The following CSMD3 variants were observed in gnomAD, a reference collection of about 807,000 sequenced individuals.
The protein encoded by CSMD3 is CUB and sushi domain-containing protein 3.
Under a neutral mutation model 435.2 loss-of-function variants are expected in CSMD3, and 177 were observed. The observed-to-expected ratio is 0.41, with a 90% CI of 0.36 to 0.46. The LOEUF is 0.46. Ranked by LOEUF, CSMD3 falls within the 20% of genes least tolerant of loss-of-function variation. CSMD3 has a pLI of 0.34. For missense variants in CSMD3, 4,265 were observed against 4,504.6 expected (o/e 0.95, Z 1.52); for synonymous variants, 1,656 against 1,520.5 (o/e 1.09, Z -2.07).
intron 32 of CSMD3, among the ~76,000 whole-genome samples, chr8:112,446,705 C>T (rs926257659): frequency 6.6e-6 from 1 of 152,118 alleles, no homozygotes; most frequent in South Asian, 2.1e-4. Flanking sequence ...TTTATAATTG[C>T]ATATATTAAA....
intron 27 of CSMD3, among the ~76,000 whole-genome samples, chr8:112,533,497 C>CA (rs1419730264): frequency 6.6e-6 from 1 of 151,558 alleles, no homozygotes; most frequent in African/African-American, 2.4e-5. Context: ...GATGGCAAGT[C>CA]AAAAAACTGA....
chr8:112,897,080 T>A (rs973112776), intron 10 of CSMD3, among the ~76,000 whole-genome samples: 1 of 151,540 alleles, frequency 6.6e-6, no homozygotes, highest in Non-Finnish European at 1.5e-5. Context: ...CTTTGAACTG[T>A]CACTTTAGTC....
At position 112,904,632 on chromosome 8, in the gene CSMD3, C is replaced by G. The variant is rs553945153; in HGVS notation, c.1633+16995G>C. On this transcript the variant is annotated intron_variant, in intron 10 of 70. Coordinates refer to ENST00000297405, the MANE Select transcript of CSMD3 (RefSeq NM_198123.2). ...TTAGAAAAGATGTTATAAAGTTAGT[C>G]TCTGATTTATTAGCTGAAGTGATCA... Among the ~76,000 whole-genome samples the G allele has an allele frequency of 1.3e-4, 20 of 151,348 alleles. 1 individual carries two copies. The South Asian group carries it at 3.7e-3, about 28-fold the overall frequency.
At chr8:112,234,508 T>G in intron 67 of CSMD3, 31 bp from the exon 68 acceptor site, 1 of 1,150,024 alleles carries the variant, frequency 8.7e-7, no homozygotes, top group Admixed American at 1.7e-5. Flanking sequence ...TTAGTCTACT[T>G]AACTTTGTAA....
intron 32 of CSMD3, among the ~76,000 whole-genome samples, chr8:112,418,786 A>C (rs1331579352): frequency 6.6e-6 from 1 of 152,156 alleles, no homozygotes; most frequent in Non-Finnish European, 1.5e-5. Context: ...CCCTAATCCC[A>C]AAATCCCAAA....
intron 31 of CSMD3, among the ~76,000 whole-genome samples, chr8:112,485,299 G>A (rs1255733048): frequency 1.3e-5 from 2 of 151,962 alleles, no homozygotes; most frequent in African/African-American, 4.8e-5. Flanking sequence ...TATTTTATCC[G>A]TGAACAAAAT....
In CSMD3 at chr8:112,231,623, C is replaced by T; in HGVS notation, c.10750G>A (p.Glu3584Lys). The T allele has an allele frequency of 6.2e-7, 1 of 1,604,774 alleles. No homozygotes were observed. The highest frequency in any genetic ancestry group is 8.5e-7 in the Non-Finnish European group (1 of 1,171,854). ...NWAMDGFVSA[E>K]PDGATYVFQG... is the part of the protein sequence containing the mutation. Reference sequence around the variant, plus strand: ...AATACATAAGTAGCTCCATCAGGCTCAGCAGAAACCTAAAAATATTTAAAC... The same window carrying T: ...AATACATAAGTAGCTCCATCAGGCTTAGCAGAAACCTAAAAATATTTAAAC... The change falls in exon 69 of 71, where the codon GAG (glutamate) becomes AAG (lysine). Residue 3584 changes from glutamate (E) to lysine (K), a missense_variant. By Grantham distance (56) the Glu-to-Lys change is moderately conservative (BLOSUM62 1). This residue lies in a region of CSMD3 where 3,255 missense variants were observed against 3,380.2 expected (regional missense o/e 0.96). Transcript: ENST00000297405.
At chr8:112,522,471 A>T (rs1261810462) in intron 27 of CSMD3, among the ~76,000 whole-genome samples, 1 of 151,852 alleles carries the variant, frequency 6.6e-6, no homozygotes. Context: ...ACACGTCCTT[A>T]TCAAATCTAG....
intron 11 of CSMD3, among the ~76,000 whole-genome samples, chr8:112,850,468 T>C (rs1191646001): frequency 6.6e-6 from 1 of 152,208 alleles, no homozygotes; most frequent in Non-Finnish European, 1.5e-5. Flanking sequence ...GGTTACAAAT[T>C]GATGAATGGA....
intron 4 of CSMD3, among the ~76,000 whole-genome samples, chr8:113,144,676 T>G (rs1469649713): frequency 6.6e-6 from 1 of 151,520 alleles, no homozygotes; most frequent in Non-Finnish European, 1.5e-5. Context: ...AATAGAAAAT[T>G]TATCTGGTCC....
intron 1 of CSMD3, among the ~76,000 whole-genome samples, chr8:113,334,711 C>G (rs1339061216): frequency 6.6e-6 from 1 of 151,990 alleles, no homozygotes; most frequent in Non-Finnish European, 1.5e-5. Flanking sequence ...TTTCTTTGCA[C>G]TTTTGTAATT....
chr8:112,677,303 GTGA>G (rs1343039653), intron 16 of CSMD3, among the ~76,000 whole-genome samples: 3 of 151,396 alleles, frequency 2.0e-5, no homozygotes, highest in Non-Finnish European at 4.4e-5. Context: ...GATGATGGTG[GTGA>G]TGATTTTTAC....
chr8:113,081,851 A>G (rs1315436529), intron 5 of CSMD3, among the ~76,000 whole-genome samples: 1 of 152,122 alleles, frequency 6.6e-6, no homozygotes, highest in East Asian at 1.9e-4. Flanking sequence ...GCTGAGCACA[A>G]CAGGGTGGCT....
chr8:113,090,800 C>T (rs184988297), intron 5 of CSMD3, among the ~76,000 whole-genome samples: 5 of 152,114 alleles, frequency 3.3e-5, no homozygotes, highest in Admixed American at 2.0e-4. Context: ...AAATCTCAAC[C>T]CTATTCAAAA....
intron 5 of CSMD3, among the ~76,000 whole-genome samples, chr8:113,030,889 G>C (rs919149978): frequency 4.6e-5 from 7 of 151,478 alleles, no homozygotes; most frequent in Admixed American, 2.6e-4. Flanking sequence ...AGGATTTACA[G>C]ATGGCAAATA....
chr8:112,319,064 A>C, intron 46 of CSMD3, 114 bp from the exon 47 acceptor site: 1 of 723,818 alleles, frequency 1.4e-6, no homozygotes, highest in Non-Finnish European at 2.4e-6. Flanking sequence ...AATCAGTATA[A>C]AAATGTTATT....
chr8:112,536,270 T>A (rs1826070328), intron 27 of CSMD3, among the ~76,000 whole-genome samples: 1 of 151,714 alleles, frequency 6.6e-6, no homozygotes, highest in African/African-American at 2.4e-5. Context: ...CGCAACCTAC[T>A]CATCTGACAA....
At chr8:112,870,785 A>T (rs567597355) in intron 10 of CSMD3, among the ~76,000 whole-genome samples, 32 of 152,270 alleles carry the variant, frequency 2.1e-4, no homozygotes, top group Non-Finnish European at 4.1e-4. Context: ...TTAATAAGAC[A>T]ATCAAAGTCG....
At chr8:112,424,724 A>G (rs7002364) in intron 32 of CSMD3, among the ~76,000 whole-genome samples, 125,008 of 152,064 alleles carry the variant, frequency 0.82, 51,906 homozygotes, top group African/African-American at 0.93. Flanking sequence ...GCGGAGTCTC[A>G]CTCTGTCACT....
Sources: gnomAD v4.1 joint callset for allele counts (sites outside exome capture counted in the v4.1 genomes callset) on GRCh38, gnomAD v4.1.1 for gene constraint, gnomAD v4.1.1 regional missense constraint, MANE v1.5 for transcripts, NCBI Gene and HGNC (gene_info 2026-07-23, HGNC 2026-07-21) for gene names.